Variants in ZNF678 observed in about 807,000 individuals in gnomAD.
ZNF678 encodes the protein zinc finger protein 678, also known as hypothetical protein MGC42493.
Under a neutral mutation model 3.0 loss-of-function variants are expected in ZNF678, and 5 were observed. The observed-to-expected ratio is 1.69, with a 90% CI of 0.88 to 3.56. ZNF678 has a LOEUF of 3.56. ZNF678 is among the 30% of genes most tolerant of loss of function. The pLI is 0.00. For synonymous variants in ZNF678, 218 were observed against 199.6 expected, an observed-to-expected ratio of 1.09 and a Z score of -0.78; for missense variants, 593 against 605.0, an observed-to-expected ratio of 0.98 and a Z score of 0.21.
rs151083594 is a variant in ZNF678, at chr1:227,654,458, T to G, written c.208T>G (p.Trp70Gly). The change falls in exon 4 of 4, where the codon TGG becomes GGG. Residue 70 changes from tryptophan to glycine, a missense_variant. By Grantham distance (184) the Trp-to-Gly change is radical. Transcript: ENST00000343776. ...TGACAATTTGCACTTAGTGAAAGAC[T>G]GGAGAACTGTGAATGAAGGTAAGGG... Reference protein sequence around the residue: ...GLDNLHLVKDWRTVNEGKGQK... With the variant: ...GLDNLHLVKDGRTVNEGKGQK... 1 of 1,613,204 alleles carries G rather than the reference T, an allele frequency of 6.2e-7. No individual in the cohort carries two copies. Among genetic ancestry groups the G allele is most frequent in the South Asian group, 1.1e-5 (1 of 91,020 alleles).
At chr1:227,599,462 A>G (rs1388849644) in intron 1 of ZNF678, among the ~76,000 whole-genome samples, 1 of 152,212 alleles carries the variant, frequency 6.6e-6, no homozygotes, top group African/African-American at 2.4e-5. Context: ...AAAGCAACAG[A>G]TATCTAAATT....
At chr1:227,620,086 T>C (rs1658243546) in intron 1 of ZNF678, among the ~76,000 whole-genome samples, 3 of 152,152 alleles carry the variant, frequency 2.0e-5, no homozygotes, top group Admixed American at 2.0e-4. Context: ...TGAAAGGGAA[T>C]AGTAGAGTGT....
intron 1 of ZNF678, among the ~76,000 whole-genome samples, chr1:227,563,989 A>C (rs1221541524): frequency 6.6e-6 from 1 of 152,272 alleles, no homozygotes; most frequent in Non-Finnish European, 1.5e-5. Flanking sequence ...GGAGAAGCCA[A>C]ATCGGTGTGC....
At chr1:227,595,132 C>G (rs1252335406) in intron 1 of ZNF678, among the ~76,000 whole-genome samples, 1 of 148,136 alleles carries the variant, frequency 6.8e-6, no homozygotes, top group East Asian at 2.0e-4. Flanking sequence ...TTTACCTTTG[C>G]TTTTAAAGGA....
intron 1 of ZNF678, among the ~76,000 whole-genome samples, chr1:227,607,088 C>G (rs1262319390): frequency 6.6e-6 from 1 of 152,160 alleles, no homozygotes; most frequent in East Asian, 1.9e-4. Flanking sequence ...GTGATGCCAT[C>G]CAGATCTGAG....
intron 1 of ZNF678, among the ~76,000 whole-genome samples, chr1:227,628,645 A>C (rs1658475831): frequency 6.6e-6 from 1 of 152,260 alleles, no homozygotes; most frequent in Non-Finnish European, 1.5e-5. Context: ...TGCTGTAAGC[A>C]GAGCTGAGCC....
chr1:227,664,215 T>A (rs1034124483), downstream of ZNF678, among the ~76,000 whole-genome samples: 7 of 152,146 alleles, frequency 4.6e-5, no homozygotes, highest in Non-Finnish European at 1.0e-4. Context: ...TAAAAGAGAA[T>A]TCCCATAGAC....
chr1:227,567,804 G>A (rs537885236), intron 1 of ZNF678, among the ~76,000 whole-genome samples: 1 of 150,770 alleles, frequency 6.6e-6, no homozygotes, highest in Admixed American at 6.6e-5. Flanking sequence ...AAGTTTTAGG[G>A]TACATGTGCA....
intron 1 of ZNF678, among the ~76,000 whole-genome samples, chr1:227,631,536 G>A (rs778824047): frequency 2.0e-5 from 3 of 152,186 alleles, no homozygotes; most frequent in Non-Finnish European, 4.4e-5. Context: ...GTAACCTTTT[G>A]AGTCAGGATT....
In ZNF678 at chr1:227,617,637, A is replaced by G. The variant is rs73092669; in HGVS notation, c.-163-28907A>G. 3.1e-3 allele frequency among the ~76,000 whole-genome samples: 477 copies of G among 152,304 alleles called. 1 individual carries two copies. Among genetic ancestry groups the G allele is most frequent in the African/African-American group, 0.011 (465 of 41,552 alleles). ...TTATGCACTTTGCTTCAAAGTAGAAATGGCCATACATACTATGGCGTATCA... is the reference window on the plus strand; with the variant it reads ...TTATGCACTTTGCTTCAAAGTAGAAGTGGCCATACATACTATGGCGTATCA... On this transcript the variant is annotated intron_variant, in intron 1 of 3. Coordinates refer to ENST00000343776, the MANE Select transcript of ZNF678 (RefSeq NM_001367909.1).
intron 1 of ZNF678, among the ~76,000 whole-genome samples, chr1:227,569,417 G>A (rs1656779081): frequency 6.6e-6 from 1 of 152,018 alleles, no homozygotes; most frequent in Non-Finnish European, 1.5e-5. Context: ...GGATTCTGTT[G>A]CATTGTTTTT....
At chr1:227,641,000 T>C (rs919452811) in intron 1 of ZNF678, among the ~76,000 whole-genome samples, 6 of 152,238 alleles carry the variant, frequency 3.9e-5, no homozygotes, top group Admixed American at 2.0e-4. Context: ...TGGACCAACG[T>C]TGGATTTTCA....
intron 1 of ZNF678, among the ~76,000 whole-genome samples, chr1:227,618,716 G>A (rs922645231): frequency 1.6e-4 from 25 of 152,158 alleles, no homozygotes; most frequent in African/African-American, 5.8e-4. Flanking sequence ...GTGGTTTTTT[G>A]TTTTTGTTGT....
rs1658743310 is a variant in ZNF678 at position 227,638,744 on chromosome 1, C to T, written c.-163-7800C>T. Among the ~76,000 whole-genome samples, 1 of 151,790 alleles carries T rather than the reference C, an allele frequency of 6.6e-6. No individual in the cohort carries two copies. Among genetic ancestry groups the T allele is most frequent in the African/African-American group, 2.4e-5 (1 of 41,300 alleles). ...GTCTCTGCTTAGGAGCAGAGTTGGG[C>T]ATGAGGGCAGAACTAAGAAAGAGTG... is the stretch of plus-strand genomic sequence containing the variant. On this transcript the variant is annotated intron_variant, in intron 1 of 3. Transcript: ENST00000343776. The surrounding 1 kb of genome is among the most constrained non-coding windows in gnomAD (Gnocchi z 4.2).
At chr1:227,641,018 G>T (rs997452294) in intron 1 of ZNF678, among the ~76,000 whole-genome samples, 4 of 152,244 alleles carry the variant, frequency 2.6e-5, no homozygotes, top group Admixed American at 6.5e-5. Context: ...TCAGACCGGA[G>T]AAATCAAGAG....
chr1:227,574,713 C>T (rs1656944712), intron 1 of ZNF678, among the ~76,000 whole-genome samples: 1 of 151,986 alleles, frequency 6.6e-6, no homozygotes, highest in African/African-American at 2.4e-5. Context: ...CTTTTGGCGC[C>T]TTTGTCATGA....
chr1:227,590,906 C>T (rs1195386195), intron 1 of ZNF678, among the ~76,000 whole-genome samples: 1 of 151,624 alleles, frequency 6.6e-6, no homozygotes. Context: ...ATTGCCTAAT[C>T]ATTGAGGCTT....
intron 1 of ZNF678, among the ~76,000 whole-genome samples, chr1:227,572,379 C>T (rs1656869849): frequency 6.6e-6 from 1 of 152,240 alleles, no homozygotes; most frequent in Non-Finnish European, 1.5e-5. Flanking sequence ...TTCACCTCAG[C>T]AGTGCTGTAC....
chr1:227,642,791 G>T (rs61824940), intron 1 of ZNF678, among the ~76,000 whole-genome samples: 32,969 of 151,728 alleles, frequency 0.22, 3,982 homozygotes, highest in African/African-American at 0.32. Flanking sequence ...AGGCATCTGG[G>T]GTTTGTTTCT....
Sources: allele counts gnomAD v4.1 joint callset (sites outside exome capture counted in the v4.1 genomes callset), GRCh38; gene constraint gnomAD v4.1.1; non-coding constraint Gnocchi (gnomAD v3.1); transcripts MANE v1.5; gene names NCBI Gene and HGNC (gene_info 2026-07-23, HGNC 2026-07-21).